Variants in NTNG1 observed in about 807,000 individuals in gnomAD.
NTNG1 encodes the protein netrin G1.
A neutral mutation model predicts 54.0 loss-of-function variants in NTNG1; 16 were observed. The ratio of observed to expected loss-of-function variants is 0.30; its 90% CI spans 0.20 to 0.45. The LOEUF is 0.45. Ranked by LOEUF, NTNG1 falls within the 20% of genes least tolerant of loss-of-function variation. The pLI is 1.00. For missense variants in NTNG1, 530 were observed against 678.7 expected (o/e 0.78, Z 2.43); for synonymous variants, 255 against 263.1 (o/e 0.97, Z 0.30).
chr1:107,477,384 A>G (rs926643752), intron 7 of NTNG1, among the ~76,000 whole-genome samples: 2 of 152,240 alleles, frequency 1.3e-5, no homozygotes, highest in Admixed American at 6.5e-5. Flanking sequence ...AACAGAGTCA[A>G]GGAAACAGGA....
At chr1:107,257,635 C>A (rs1663014602) in intron 2 of NTNG1, among the ~76,000 whole-genome samples, 1 of 152,142 alleles carries the variant, frequency 6.6e-6, no homozygotes, top group South Asian at 2.1e-4. Flanking sequence ...CCAATTTGAT[C>A]CCTGCATGTA....
chr1:107,252,656 G>A (rs2101623675), intron 2 of NTNG1, among the ~76,000 whole-genome samples: 1 of 152,220 alleles, frequency 6.6e-6, no homozygotes, highest in South Asian at 2.1e-4. Context: ...TTACTGCTTG[G>A]ATATCACTTG....
At chr1:107,417,555 A>T (rs1674301296) in intron 5 of NTNG1, among the ~76,000 whole-genome samples, 1 of 152,050 alleles carries the variant, frequency 6.6e-6, no homozygotes, top group African/African-American at 2.4e-5. Context: ...TGAGAAATCG[A>T]CCTATACAAT....
chr1:107,235,262 G>A (rs1471306217), intron 2 of NTNG1, among the ~76,000 whole-genome samples: 3 of 151,834 alleles, frequency 2.0e-5, no homozygotes, highest in Non-Finnish European at 4.4e-5. Flanking sequence ...CATGGACATT[G>A]AAAGTCAGTG....
chr1:107,464,333 CCGA>C (rs1677466524), intron 7 of NTNG1, among the ~76,000 whole-genome samples: 1 of 152,018 alleles, frequency 6.6e-6, no homozygotes, highest in Non-Finnish European at 1.5e-5. Context: ...AAAGAATTGC[CCGA>C]TTAAGCAGGA....
chr1:107,169,889 C>G (rs535867312), intron 2 of NTNG1, among the ~76,000 whole-genome samples: 53 of 152,272 alleles, frequency 3.5e-4, no homozygotes, highest in African/African-American at 1.1e-3. Context: ...ATCTTTATGG[C>G]AGGCTGTAAG....
chr1:107,413,333 T>C (rs1283025495), intron 5 of NTNG1, among the ~76,000 whole-genome samples: 2 of 151,976 alleles, frequency 1.3e-5, no homozygotes, highest in East Asian at 3.9e-4. Context: ...CGGCTAATTT[T>C]GTTTTTGGAT....
At chr1:107,141,922 C>T (rs1431316469) in intron 1 of NTNG1, among the ~76,000 whole-genome samples, 1 of 152,166 alleles carries the variant, frequency 6.6e-6, no homozygotes, top group Non-Finnish European at 1.5e-5. Context: ...GCCCTATTGC[C>T]GGCCTTGGGG....
Position 107,480,920 on chromosome 1 carries a change from A to AAC in NTNG1, c.*88_*89dup, listed in dbSNP as rs1391025923. The AAC allele has an allele frequency of 1.7e-5, 18 of 1,078,904 alleles. No individual in the cohort carries two copies. Among genetic ancestry groups the AAC allele is most frequent in the Non-Finnish European group, 2.3e-5 (17 of 733,098 alleles). 66.8% of individuals were successfully genotyped at this position (1,078,904 alleles called of 1,614,324 possible). On this transcript the variant is annotated 3_prime_UTR_variant, in exon 8 of 8. Transcript: ENST00000370068. ...CCAAACATTTGCTACTAACATAGGA[A>AAC]ACACACACATACAGACACCCCCACT...
At chr1:107,322,680 G>C (rs1462954731) in intron 2 of NTNG1, among the ~76,000 whole-genome samples, 1 of 152,016 alleles carries the variant, frequency 6.6e-6, no homozygotes, top group Non-Finnish European at 1.5e-5. Flanking sequence ...GGCTCATTTT[G>C]AAGGGGATAC....
intron 3 of NTNG1, among the ~76,000 whole-genome samples, chr1:107,337,551 C>T (rs1311694277): frequency 2.0e-5 from 3 of 151,860 alleles, no homozygotes; most frequent in South Asian, 2.1e-4. Context: ...GATGGTTGCA[C>T]AACAATGTGA....
At chr1:107,426,358 T>C (rs1391508977) in intron 5 of NTNG1, among the ~76,000 whole-genome samples, 2 of 151,884 alleles carry the variant, frequency 1.3e-5, no homozygotes, top group Admixed American at 1.3e-4. Flanking sequence ...TAGGGTGAGA[T>C]AGAGGTTCAG....
At chr1:107,329,299 G>C (rs1381815887) in intron 3 of NTNG1, among the ~76,000 whole-genome samples, 1 of 152,130 alleles carries the variant, frequency 6.6e-6, no homozygotes, top group African/African-American at 2.4e-5. Flanking sequence ...ACTATGACTA[G>C]GTGCCAGGAG....
intron 2 of NTNG1, among the ~76,000 whole-genome samples, chr1:107,314,884 T>C (rs531292496): frequency 1.3e-5 from 2 of 152,348 alleles, no homozygotes; most frequent in Admixed American, 1.3e-4. Context: ...GCGTTATCTG[T>C]AAACAAAGTG....
chr1:107,183,068 A>T (rs180821145), intron 2 of NTNG1, among the ~76,000 whole-genome samples: 2 of 152,318 alleles, frequency 1.3e-5, no homozygotes, highest in East Asian at 3.9e-4. Flanking sequence ...GTAACAGAAG[A>T]CTGAACCGAT....
At chr1:107,155,262 A>G (rs1456310442) in intron 2 of NTNG1, among the ~76,000 whole-genome samples, 1 of 151,784 alleles carries the variant, frequency 6.6e-6, no homozygotes, top group East Asian at 1.9e-4. Flanking sequence ...CCCTCGTGTC[A>G]TCTCTTGTCT....
intron 7 of NTNG1, among the ~76,000 whole-genome samples, chr1:107,470,639 A>G (rs1200240374): frequency 6.6e-6 from 1 of 152,210 alleles, no homozygotes; most frequent in African/African-American, 2.4e-5. Flanking sequence ...TTGTGTGAAT[A>G]TGCCTCCCCA....
chr1:107,325,162 T>C (rs1467504909), intron 3 of NTNG1, among the ~76,000 whole-genome samples: 1 of 152,106 alleles, frequency 6.6e-6, no homozygotes, highest in East Asian at 1.9e-4. Flanking sequence ...TAAAAGTGAA[T>C]TTTAAAAAGT....
At chr1:107,165,639 C>T (rs1002014798) in intron 2 of NTNG1, among the ~76,000 whole-genome samples, 1 of 152,180 alleles carries the variant, frequency 6.6e-6, no homozygotes, top group Non-Finnish European at 1.5e-5. Context: ...GTGCCTGATA[C>T]ATAGTGAGCC....
Sources: allele counts gnomAD v4.1 joint callset (sites outside exome capture counted in the v4.1 genomes callset), GRCh38; gene constraint gnomAD v4.1.1; transcripts MANE v1.5; gene names NCBI Gene and HGNC (gene_info 2026-07-23, HGNC 2026-07-21).